Variants in SH3RF3 observed in about 807,000 individuals in gnomAD.
SH3RF3 encodes the protein SH3 domain containing ring finger 3.
Under a neutral mutation model 66.3 loss-of-function variants are expected in SH3RF3, and 29 were observed. That is an observed-to-expected ratio of 0.44 (90% confidence interval 0.33 to 0.60). The LOEUF is 0.60. Among genes scored for constraint, SH3RF3 ranks in the 20% least tolerant of loss-of-function variants. The probability of loss-of-function intolerance (pLI) is 0.04; values close to 1 mark genes in which losing one functional copy is unlikely to be tolerated. For missense variants in SH3RF3, 1,194 were observed against 1,190.9 expected (o/e 1.00, Z -0.04); for synonymous variants, 583 against 532.0 (o/e 1.10, Z -1.32).
chr2:109,302,754 G>C (rs1681501208), intron 1 of SH3RF3, among the ~76,000 whole-genome samples: 1 of 151,552 alleles, frequency 6.6e-6, no homozygotes. Context: ...TTTCAGACAC[G>C]ACATTTCACC....
At chr2:109,350,738 C>G (rs1188672047) in intron 2 of SH3RF3, among the ~76,000 whole-genome samples, 1 of 152,244 alleles carries the variant, frequency 6.6e-6, no homozygotes, top group Non-Finnish European at 1.5e-5. Flanking sequence ...CTCTGACAAC[C>G]TCCATGTGAA....
chr2:109,171,883 C>G (rs79218930), intron 1 of SH3RF3, among the ~76,000 whole-genome samples: 2,685 of 152,374 alleles, frequency 0.018, 74 homozygotes, highest in African/African-American at 0.06. Context: ...CACTTTGAAA[C>G]TCCCATTCTG....
chr2:109,315,905 C>G (rs139185024), intron 1 of SH3RF3, among the ~76,000 whole-genome samples: 2 of 152,156 alleles, frequency 1.3e-5, no homozygotes, highest in Non-Finnish European at 2.9e-5. Flanking sequence ...CTGCGACCAG[C>G]ATAGGTCTGT....
chr2:109,309,609 C>G (rs1270265196), intron 1 of SH3RF3, among the ~76,000 whole-genome samples: 1 of 128,088 alleles, frequency 7.8e-6, no homozygotes, highest in Non-Finnish European at 1.6e-5. Context: ...GGAAACCCAT[C>G]TCACGTGCAG....
At chr2:109,321,249 T>C (rs1178781411) in intron 1 of SH3RF3, among the ~76,000 whole-genome samples, 1 of 152,246 alleles carries the variant, frequency 6.6e-6, no homozygotes, top group African/African-American at 2.4e-5. Flanking sequence ...TCACTTTTAA[T>C]TAGGCTGTTC....
intron 1 of SH3RF3, among the ~76,000 whole-genome samples, chr2:109,233,971 G>A (rs1004777858): frequency 4.6e-5 from 7 of 152,168 alleles, no homozygotes; most frequent in Admixed American, 1.3e-4. Flanking sequence ...TATTTGAATT[G>A]TTTCCAGTTT....
chr2:109,315,455 A>G (rs1025378), intron 1 of SH3RF3, among the ~76,000 whole-genome samples: 40,117 of 152,262 alleles, frequency 0.26, 5,992 homozygotes, highest in East Asian at 0.66. Flanking sequence ...TTGTGTCTGT[A>G]GAATGCACTT....
rs530486359 is a variant in SH3RF3 at position 109,199,117 on chromosome 2, T to C, written c.573+69004T>C. On this transcript the variant is annotated intron_variant, in intron 1 of 9. Coordinates refer to ENST00000309415, the MANE Select transcript of SH3RF3 (RefSeq NM_001099289.3). ...GTTCATGCCTGTAATCCCAGCACTTTGGGAGGCTGAGGCGGGTGGATCACA... is the reference window on the plus strand; with the variant it reads ...GTTCATGCCTGTAATCCCAGCACTTCGGGAGGCTGAGGCGGGTGGATCACA... 9.2e-5 allele frequency among the ~76,000 whole-genome samples: 14 copies of C among 151,988 alleles called. No homozygotes were observed. The South Asian group carries it at 1.0e-3, about 11-fold the overall frequency.
At chr2:109,389,434 T>C (rs933139185) in intron 3 of SH3RF3, among the ~76,000 whole-genome samples, 1 of 152,214 alleles carries the variant, frequency 6.6e-6, no homozygotes, top group Non-Finnish European at 1.5e-5. Flanking sequence ...GCATACCGCA[T>C]GAGTGTGTGA....
intron 1 of SH3RF3, among the ~76,000 whole-genome samples, chr2:109,184,933 T>C (rs1399435671): frequency 6.6e-6 from 1 of 152,226 alleles, no homozygotes; most frequent in African/African-American, 2.4e-5. Flanking sequence ...AATATATACA[T>C]TTTCCATTTA....
At chr2:109,391,141 A>G (rs995816976) in intron 3 of SH3RF3, among the ~76,000 whole-genome samples, 2 of 152,078 alleles carry the variant, frequency 1.3e-5, no homozygotes, top group Non-Finnish European at 2.9e-5. Context: ...TTAAATGTCA[A>G]CTCTTCCAAA....
At chr2:109,222,269 G>A (rs75234428) in intron 1 of SH3RF3, among the ~76,000 whole-genome samples, 3,210 of 152,240 alleles carry the variant, frequency 0.021, 133 homozygotes, top group African/African-American at 0.072. Flanking sequence ...ATGAATTCTC[G>A]TGTTTGATAG....
At chr2:109,315,830 G>T (rs1344002295) in intron 1 of SH3RF3, among the ~76,000 whole-genome samples, 1 of 152,216 alleles carries the variant, frequency 6.6e-6, no homozygotes, top group Non-Finnish European at 1.5e-5. Flanking sequence ...ACCCTAGAAT[G>T]ACCTTTGATC....
chr2:109,287,417 T>C (rs1229682532), intron 1 of SH3RF3, among the ~76,000 whole-genome samples: 1 of 152,132 alleles, frequency 6.6e-6, no homozygotes, highest in Non-Finnish European at 1.5e-5. Flanking sequence ...CAGTGACATA[T>C]AAAATCTTTT....
At chr2:109,151,513 T>C (rs1196107005) in intron 1 of SH3RF3, among the ~76,000 whole-genome samples, 1 of 152,244 alleles carries the variant, frequency 6.6e-6, no homozygotes, top group African/African-American at 2.4e-5. Flanking sequence ...AAAAAGAAAT[T>C]GGTGAAATTA....
At chr2:109,162,439 G>A (rs1054451491) in intron 1 of SH3RF3, among the ~76,000 whole-genome samples, 2 of 151,910 alleles carry the variant, frequency 1.3e-5, no homozygotes, top group Admixed American at 1.3e-4. Context: ...TATACTTTAA[G>A]TTTTAGGGTA....
At position 109,296,390 on chromosome 2, in the gene SH3RF3, G is replaced by GTT. The variant is rs537851058; in HGVS notation, c.574-51275_574-51274dup. Reference sequence around the variant, plus strand: ...TTACAGGTGTGCACCACCACACCCAGTTTTTTTTTTGTGTGTGTGTTTTTT... The same window carrying GTT: ...TTACAGGTGTGCACCACCACACCCAGTTTTTTTTTTTTGTGTGTGTGTTTTTT... On this transcript the variant is annotated intron_variant, in intron 1 of 9. Coordinates refer to ENST00000309415, the MANE Select transcript of SH3RF3 (RefSeq NM_001099289.3). Among the ~76,000 whole-genome samples the GTT allele has an allele frequency of 7.1e-3, 1,061 of 148,506 alleles. 11 individuals are homozygous for GTT. The highest frequency in any genetic ancestry group is 0.025 in the African/African-American group (986 of 40,202).
intron 1 of SH3RF3, among the ~76,000 whole-genome samples, chr2:109,270,862 G>A (rs1019833663): frequency 1.6e-4 from 25 of 152,218 alleles, no homozygotes; most frequent in African/African-American, 5.8e-4. Flanking sequence ...AGTGGCCAGG[G>A]AACCTGTGAG....
chr2:109,177,095 G>GT (rs1161944784), intron 1 of SH3RF3, among the ~76,000 whole-genome samples: 1 of 152,150 alleles, frequency 6.6e-6, no homozygotes, highest in African/African-American at 2.4e-5. Context: ...AATAAGCTCT[G>GT]TTTACTGGGA....
Sources: allele counts gnomAD v4.1 joint callset (sites outside exome capture counted in the v4.1 genomes callset), GRCh38; gene constraint gnomAD v4.1.1; transcripts MANE v1.5; gene names NCBI Gene and HGNC (gene_info 2026-07-23, HGNC 2026-07-21).